PI4K2B: variants seen among roughly 807,000 people sequenced by gnomAD.
PI4K2B encodes the protein phosphatidylinositol 4-kinase type 2-beta.
Under a neutral mutation model 56.6 loss-of-function variants are expected in PI4K2B, and 46 were observed. The observed-to-expected ratio is 0.81, with a 90% CI of 0.64 to 1.04. PI4K2B has a LOEUF of 1.04. Ranked by LOEUF, PI4K2B falls within the 50% of genes least tolerant of loss-of-function variation. The pLI is 0.00. For synonymous variants in PI4K2B, 211 were observed against 223.8 expected, an observed-to-expected ratio of 0.94 and a Z score of 0.51; for missense variants, 556 against 607.7, an observed-to-expected ratio of 0.91 and a Z score of 0.89.
At chr4:25,258,213 C>CT (rs545122643) in intron 4 of PI4K2B, among the ~76,000 whole-genome samples, 110 of 119,024 alleles carry the variant, frequency 9.2e-4, no homozygotes, top group Admixed American at 1.8e-3. Flanking sequence ...GGAATCTGTC[C>CT]TTTTTTTTTT....
intron 1 of PI4K2B, among the ~76,000 whole-genome samples, chr4:25,236,348 T>A (rs2109080293): frequency 6.6e-6 from 1 of 152,224 alleles, no homozygotes; most frequent in Non-Finnish European, 1.5e-5. Context: ...TCAGGAGTTT[T>A]CAGACCAGCC....
intron 7 of PI4K2B, 51 bp from the exon 8 acceptor site, chr4:25,268,392 C>T: frequency 6.7e-7 from 1 of 1,491,284 alleles, no homozygotes; most frequent in Non-Finnish European, 9.2e-7. Context: ...AAATGTAAGT[C>T]TAAATAAACC....
chr4:25,277,113 G>T lies in PI4K2B; in HGVS notation c.1372G>T (p.Gly458Cys), dbSNP rs1327674265. 1.2e-6 allele frequency: 2 copies of T among 1,613,856 alleles called. No homozygotes were observed. Among genetic ancestry groups the T allele is most frequent in the Admixed American group, 1.7e-5 (1 of 59,990 alleles). The stretch of plus-strand genomic sequence containing the variant: ...GGAACGCAGTCAAGGTGGAAGTCAG[G>T]GTCGGATTGTCCACCTGAGCAATTC... Reference protein sequence around the residue: ...IVERSQGGSQGRIVHLSNSFT... With the variant: ...IVERSQGGSQCRIVHLSNSFT... Residue 458 changes from glycine (G) to cysteine (C), a missense_variant, in exon 10 of 10, where the codon GGT becomes TGT. Transcript: ENST00000264864.
intron 2 of PI4K2B, chr4:25,254,404 G>A (rs1716176751): frequency 1.2e-6 from 1 of 835,118 alleles, no homozygotes; most frequent in Non-Finnish European, 1.4e-6. Context: ...TTAAAAATCA[G>A]TGAAAGTCTT....
intron 2 of PI4K2B, 22 bp downstream of exon 2, chr4:25,252,497 TA>T (rs752462695): frequency 6.8e-7 from 1 of 1,477,536 alleles, no homozygotes; most frequent in Non-Finnish European, 9.4e-7. Flanking sequence ...ACAGACCTAT[TA>T]TATGTAATGG....
chr4:25,254,407 A>G (rs1237397156), intron 2 of PI4K2B: 4 of 866,456 alleles, frequency 4.6e-6, no homozygotes, highest in South Asian at 5.4e-5. Context: ...AAAATCAGTG[A>G]AAGTCTTTCC....
intron 1 of PI4K2B, among the ~76,000 whole-genome samples, chr4:25,242,883 G>C (rs1296382288): frequency 6.6e-6 from 1 of 152,208 alleles, no homozygotes; most frequent in African/African-American, 2.4e-5. Flanking sequence ...TGGGTAACTT[G>C]TTCCCTATAT....
intron 2 of PI4K2B, among the ~76,000 whole-genome samples, chr4:25,254,181 G>A (rs1477645489): frequency 2.0e-5 from 3 of 152,206 alleles, no homozygotes; most frequent in Admixed American, 6.5e-5. Context: ...GGTAGTTTTT[G>A]TCATTGGATT....
intron 1 of PI4K2B, among the ~76,000 whole-genome samples, chr4:25,237,878 C>T (rs1424242493): frequency 6.6e-6 from 1 of 152,118 alleles, no homozygotes; most frequent in Non-Finnish European, 1.5e-5. Context: ...CAGAAAAAGA[C>T]CCTGTCTCAA....
chr4:25,277,092 C>A lies in PI4K2B; in HGVS notation c.1351C>A (p.Arg451Ser), dbSNP rs374694979. Residue 451 changes from arginine to serine, a missense_variant, in exon 10 of 10, where the codon CGC (arginine) becomes AGC (serine). Arg to Ser is a moderately radical substitution (Grantham distance 110). Transcript: ENST00000264864. Reference sequence around the variant, plus strand: ...ACAGATACCTTGTGTGATTGTGGAACGCAGTCAAGGTGGAAGTCAGGGTCG... The same window carrying A: ...ACAGATACCTTGTGTGATTGTGGAAAGCAGTCAAGGTGGAAGTCAGGGTCG... Reference protein sequence around the residue: ...LVQIPCVIVERSQGGSQGRIV... With the variant: ...LVQIPCVIVESSQGGSQGRIV... 1 of 1,613,760 alleles carries A rather than the reference C, an allele frequency of 6.2e-7. No individual in the cohort carries two copies. Among genetic ancestry groups the A allele is most frequent in the Non-Finnish European group, 8.5e-7 (1 of 1,179,756 alleles).
At chr4:25,262,443 T>C (rs1577692985) in intron 6 of PI4K2B, among the ~76,000 whole-genome samples, 1 of 152,370 alleles carries the variant, frequency 6.6e-6, no homozygotes, top group East Asian at 1.9e-4. Flanking sequence ...TCTTTTGCTC[T>C]AAGTATTTTG....
Position 25,237,613 on chromosome 4 carries a change from G to A in PI4K2B, c.268+3182G>A, listed in dbSNP as rs142031943. Among the ~76,000 whole-genome samples, 1,092 of 152,270 alleles carry A rather than the reference G, an allele frequency of 7.2e-3. 6 individuals carry two copies. The highest frequency in any genetic ancestry group is 0.012 in the Non-Finnish European group (819 of 68,014). On this transcript the variant is annotated intron_variant, in intron 1 of 9. Transcript: ENST00000264864. ...ACTCCTGACCTCAGATGATCCTCCC[G>A]CCTCGGCTTCCCAGAGCACTGAGAT...
chr4:25,240,287 C>T (rs1316713486), intron 1 of PI4K2B, among the ~76,000 whole-genome samples: 2 of 152,142 alleles, frequency 1.3e-5, no homozygotes, highest in Admixed American at 6.5e-5. Flanking sequence ...TTCTCAGCAG[C>T]GAAGAGGTCT....
chr4:25,250,303 A>G (rs532372231), intron 1 of PI4K2B, among the ~76,000 whole-genome samples: 1 of 152,204 alleles, frequency 6.6e-6, no homozygotes, highest in Non-Finnish European at 1.5e-5. Flanking sequence ...AAGGACATGA[A>G]TGGAGCAGGA....
At chr4:25,275,863 A>C (rs962981546) in intron 9 of PI4K2B, among the ~76,000 whole-genome samples, 1 of 152,108 alleles carries the variant, frequency 6.6e-6, no homozygotes, top group African/African-American at 2.4e-5. Context: ...CAGCACTTTA[A>C]GAGGCCAAGG....
chr4:25,234,874 C>G (rs543603702), intron 1 of PI4K2B, among the ~76,000 whole-genome samples: 2 of 152,330 alleles, frequency 1.3e-5, no homozygotes, highest in South Asian at 4.1e-4. Context: ...CCAGTTGCCA[C>G]TGGGGCACGT....
In PI4K2B at chr4:25,239,424, C is replaced by T. The variant is rs139332271; in HGVS notation, c.268+4993C>T. 4.5e-3 allele frequency among the ~76,000 whole-genome samples: 543 copies of T among 120,176 alleles called. 39 individuals are homozygous for T. The highest frequency in any genetic ancestry group is 0.012 in the African/African-American group (494 of 40,518). 78.8% of individuals were successfully genotyped at this position (120,176 alleles called of 152,430 possible). A position where few individuals can be genotyped will look rare whatever the true frequency, so the allele number is the denominator to read the frequency against. On this transcript the variant is annotated intron_variant, in intron 1 of 9. Transcript: ENST00000264864. ...CTAAGGCCCAGTGAGAAAGCGAGCA[C>T]GGTGCCGGCCCAGGGGGACCCAGCA...
Position 25,271,581 on chromosome 4 carries a change from T to A in PI4K2B, c.1272+2378T>A, listed in dbSNP as rs1577699418. 2.0e-5 allele frequency among the ~76,000 whole-genome samples: 3 copies of A among 152,346 alleles called. 1 individual carries two copies. The South Asian group carries it at 6.2e-4, about 32-fold the overall frequency. On this transcript the variant is annotated intron_variant, in intron 9 of 9. Transcript: ENST00000264864. ...ATGGAAGGATTAGGTGATCAATGATTATAATCATGTTGCAGAGTTTTGCCA... is the reference window on the plus strand; with the variant it reads ...ATGGAAGGATTAGGTGATCAATGATAATAATCATGTTGCAGAGTTTTGCCA...
chr4:25,267,522 C>G (rs549696124), intron 7 of PI4K2B, among the ~76,000 whole-genome samples: 1 of 152,238 alleles, frequency 6.6e-6, no homozygotes, highest in South Asian at 2.1e-4. Context: ...GCCACTGCAC[C>G]CTAGCCTGAG....
Sources: gnomAD v4.1 joint callset for allele counts (sites outside exome capture counted in the v4.1 genomes callset) on GRCh38, gnomAD v4.1.1 for gene constraint, MANE v1.5 for transcripts, NCBI Gene and HGNC (gene_info 2026-07-23, HGNC 2026-07-21) for gene names.